Variants in ROR1 observed in about 807,000 individuals in gnomAD.
ROR1 encodes inactive tyrosine-protein kinase transmembrane receptor ROR1.
ROR1 carries 19 observed loss-of-function variants against 78.8 expected under a neutral mutation model. That is an observed-to-expected ratio of 0.24 (90% CI 0.17 to 0.35). The LOEUF (loss-of-function observed/expected upper bound fraction) is 0.35. ROR1 is among the 10% of genes least tolerant of loss of function. ROR1 has a pLI of 1.00. For missense variants in ROR1, 917 were observed against 1,177.8 expected (o/e 0.78, Z 3.24); for synonymous variants, 386 against 433.6 (o/e 0.89, Z 1.36).
chr1:64,139,164 CAAAAAAAAAA>C (rs755368714), intron 5 of ROR1, among the ~76,000 whole-genome samples: 21 of 20,670 alleles, frequency 1.0e-3, no homozygotes, highest in South Asian at 3.4e-3. Flanking sequence ...GAGACTGTCT[CAAAAAAAAAA>C]AAAAAAAAAA....
chr1:64,008,420 A>G (rs1160034201), intron 1 of ROR1, among the ~76,000 whole-genome samples: 2 of 152,160 alleles, frequency 1.3e-5, no homozygotes, highest in South Asian at 2.1e-4. Flanking sequence ...TGCTGTGATG[A>G]ACATATGATG....
At chr1:63,851,430 T>C (rs1324934055) in intron 1 of ROR1, among the ~76,000 whole-genome samples, 1 of 152,142 alleles carries the variant, frequency 6.6e-6, no homozygotes, top group Non-Finnish European at 1.5e-5. Flanking sequence ...TGATACTTAA[T>C]TGGTATTGAG....
At chr1:64,147,766 A>G (rs1557674403) in intron 7 of ROR1, among the ~76,000 whole-genome samples, 3 of 152,180 alleles carry the variant, frequency 2.0e-5, no homozygotes, top group Non-Finnish European at 2.9e-5. Flanking sequence ...TAAGATCACA[A>G]ATGAATTCAT....
chr1:63,863,223 C>G (rs1372821280), intron 1 of ROR1, among the ~76,000 whole-genome samples: 3 of 152,226 alleles, frequency 2.0e-5, no homozygotes, highest in Non-Finnish European at 2.9e-5. Context: ...GCAAAGAACA[C>G]TATCACTTTA....
chr1:63,906,281 A>T (rs1325066120), intron 1 of ROR1, among the ~76,000 whole-genome samples: 2 of 131,452 alleles, frequency 1.5e-5, no homozygotes, highest in Non-Finnish European at 3.6e-5. Flanking sequence ...TATGGATTAC[A>T]GGAGTGATCT....
At chr1:63,961,875 T>C (rs1646032145) in intron 1 of ROR1, among the ~76,000 whole-genome samples, 2 of 152,178 alleles carry the variant, frequency 1.3e-5, no homozygotes, top group South Asian at 4.1e-4. Flanking sequence ...ATGACAAATG[T>C]TTAAGATGAT....
Position 63,974,896 on chromosome 1 carries a change from C to T in ROR1, c.92-34409C>T, listed in dbSNP as rs572517176. Among the ~76,000 whole-genome samples the T allele has an allele frequency of 7.9e-5, 12 of 152,328 alleles. No individual in the cohort carries two copies. In the South Asian group the frequency reaches 2.5e-3, roughly 32 times the overall value. ...GGACAGTGCAGAACTTGGGTTCCAC[C>T]TCTGCCTTTAGCTATCGATGTGATC... On this transcript the variant is annotated intron_variant, in intron 1 of 8. Transcript: ENST00000371079.
intron 4 of ROR1, among the ~76,000 whole-genome samples, chr1:64,077,684 G>A (rs1292254125): frequency 6.6e-6 from 1 of 152,260 alleles, no homozygotes; most frequent in Non-Finnish European, 1.5e-5. Context: ...CAGCACGGTG[G>A]TTCTCCCCAC....
chr1:63,776,625 T>G (rs1644618019), intron 1 of ROR1, among the ~76,000 whole-genome samples: 2 of 152,200 alleles, frequency 1.3e-5, no homozygotes, highest in African/African-American at 4.8e-5. Context: ...CAGGCTTAGG[T>G]CAGGCAGGCC....
intron 1 of ROR1, among the ~76,000 whole-genome samples, chr1:63,785,817 C>T (rs760573836): frequency 6.6e-5 from 10 of 152,172 alleles, no homozygotes; most frequent in Non-Finnish European, 1.5e-4. Flanking sequence ...TAAGCCACCG[C>T]GCCCGGCCTA....
chr1:63,837,715 G>C (rs1485892036), intron 1 of ROR1, among the ~76,000 whole-genome samples: 3 of 152,154 alleles, frequency 2.0e-5, no homozygotes, highest in Non-Finnish European at 4.4e-5. Context: ...CAGCTACTTG[G>C]GAGGCTGGAG....
chr1:63,801,359 A>T (rs1002131330), intron 1 of ROR1, among the ~76,000 whole-genome samples: 3 of 152,010 alleles, frequency 2.0e-5, no homozygotes, highest in Non-Finnish European at 4.4e-5. Flanking sequence ...CAGTGGCATG[A>T]TCTCGGCTTA....
intron 1 of ROR1, among the ~76,000 whole-genome samples, chr1:63,912,631 C>G (rs962940456): frequency 1.3e-5 from 2 of 152,148 alleles, no homozygotes; most frequent in Non-Finnish European, 2.9e-5. Context: ...TGGGGAGAGA[C>G]AGTTAAGCAG....
intron 4 of ROR1, among the ~76,000 whole-genome samples, chr1:64,091,327 T>G (rs573666121): frequency 6.6e-6 from 1 of 152,168 alleles, no homozygotes; most frequent in Non-Finnish European, 1.5e-5. Flanking sequence ...CATGTTTCTT[T>G]CACATTTCAC....
At chr1:64,112,963 A>G (rs1284803892) in intron 4 of ROR1, among the ~76,000 whole-genome samples, 1 of 152,216 alleles carries the variant, frequency 6.6e-6, no homozygotes, top group Non-Finnish European at 1.5e-5. Flanking sequence ...CACAGTAGCC[A>G]GTACATAATA....
At chr1:64,087,768 A>C (rs1647165817) in intron 4 of ROR1, among the ~76,000 whole-genome samples, 1 of 152,232 alleles carries the variant, frequency 6.6e-6, no homozygotes, top group African/African-American at 2.4e-5. Flanking sequence ...AATTTTAAAG[A>C]AAATGAATCC....
intron 1 of ROR1, among the ~76,000 whole-genome samples, chr1:63,778,517 C>T (rs972553941): frequency 1.3e-5 from 2 of 152,178 alleles, no homozygotes; most frequent in African/African-American, 4.8e-5. Flanking sequence ...GTTTCCCTTC[C>T]ACCAGGCAGG....
At chr1:63,852,284 T>C (rs1645118877) in intron 1 of ROR1, among the ~76,000 whole-genome samples, 1 of 152,236 alleles carries the variant, frequency 6.6e-6, no homozygotes, top group Non-Finnish European at 1.5e-5. Flanking sequence ...CATACATGTA[T>C]GTGTACCCTT....
At chr1:63,868,127 G>GTT (rs146709078) in intron 1 of ROR1, among the ~76,000 whole-genome samples, 8,759 of 151,746 alleles carry the variant, frequency 0.058, 603 homozygotes, top group African/African-American at 0.16. Context: ...TACTAGCGCA[G>GTT]TTTTTGTTGT....
Sources: gnomAD v4.1 joint callset for allele counts (sites outside exome capture counted in the v4.1 genomes callset) on GRCh38, gnomAD v4.1.1 for gene constraint, MANE v1.5 for transcripts, NCBI Gene and HGNC (gene_info 2026-07-23, HGNC 2026-07-21) for gene names.